The following NLGN1 variants were observed in gnomAD, a reference collection of about 807,000 sequenced individuals.
NLGN1 encodes the protein neuroligin 1.
A neutral mutation model predicts 65.5 loss-of-function variants in NLGN1; 12 were observed. That is an observed-to-expected ratio of 0.18 (90% CI 0.12 to 0.30). NLGN1 has a LOEUF of 0.30. Among genes scored for constraint, NLGN1 ranks in the 10% least tolerant of loss-of-function variants. The pLI, the probability that NLGN1 is intolerant of heterozygous loss-of-function variation, is 1.00. For synonymous variants in NLGN1, 350 were observed against 359.5 expected (o/e 0.97, Z 0.30); for missense variants, 750 against 1,007.1 (o/e 0.74, Z 3.46).
At chr3:174,120,921 A>G (rs538604109) in intron 4 of NLGN1, among the ~76,000 whole-genome samples, 7 of 152,194 alleles carry the variant, frequency 4.6e-5, no homozygotes, top group Non-Finnish European at 8.8e-5. Context: ...GACTCTTGCT[A>G]TAAGGAGGCC....
intron 4 of NLGN1, among the ~76,000 whole-genome samples, chr3:174,207,201 G>GA (rs11336101): frequency 0.027 from 3,728 of 136,618 alleles, 146 homozygotes; most frequent in African/African-American, 0.091. Flanking sequence ...GCTCATTCAT[G>GA]AAAAAAAAAA....
chr3:174,024,302 T>C (rs955135270), intron 4 of NLGN1, among the ~76,000 whole-genome samples: 16 of 152,232 alleles, frequency 1.1e-4, no homozygotes, highest in African/African-American at 3.9e-4. Context: ...AGATGATGAT[T>C]GTCAAGAAAA....
chr3:173,957,071 G>A (rs1712255299), intron 4 of NLGN1, among the ~76,000 whole-genome samples: 1 of 151,896 alleles, frequency 6.6e-6, no homozygotes, highest in South Asian at 2.1e-4. Flanking sequence ...GAATTATGAT[G>A]CATATTATAA....
intron 4 of NLGN1, among the ~76,000 whole-genome samples, chr3:174,189,289 A>C (rs982389630): frequency 1.7e-4 from 26 of 152,118 alleles, no homozygotes; most frequent in African/African-American, 5.8e-4. Context: ...AGATGAGAGA[A>C]ATAAACCCAT....
At chr3:174,274,645 C>A (rs1167947821) in intron 4 of NLGN1, among the ~76,000 whole-genome samples, 1 of 113,886 alleles carries the variant, frequency 8.8e-6, no homozygotes, top group African/African-American at 3.6e-5. Flanking sequence ...TTATTCTACA[C>A]CATTTCCTAA....
intron 4 of NLGN1, among the ~76,000 whole-genome samples, chr3:174,048,200 T>C (rs1734042976): frequency 6.6e-6 from 1 of 152,134 alleles, no homozygotes; most frequent in African/African-American, 2.4e-5. Flanking sequence ...ATTATTTTGA[T>C]GACATCCTTC....
At chr3:174,210,351 T>C (rs1736226005) in intron 4 of NLGN1, among the ~76,000 whole-genome samples, 1 of 152,236 alleles carries the variant, frequency 6.6e-6, no homozygotes, top group African/African-American at 2.4e-5. Context: ...TTCACTGGTG[T>C]AGTTCCAGCA....
chr3:174,132,371 G>A (rs555085310), intron 4 of NLGN1, among the ~76,000 whole-genome samples: 3 of 152,242 alleles, frequency 2.0e-5, no homozygotes, highest in Non-Finnish European at 2.9e-5. Flanking sequence ...TCTCCGAAAG[G>A]TAGGATATTG....
At chr3:174,228,223 A>G (rs1214766644) in intron 4 of NLGN1, among the ~76,000 whole-genome samples, 2 of 152,112 alleles carry the variant, frequency 1.3e-5, no homozygotes, top group Admixed American at 6.6e-5. Flanking sequence ...GCTGTTACAA[A>G]TAAACAACCT....
At chr3:173,927,217 C>G (rs1052374310) in intron 4 of NLGN1, among the ~76,000 whole-genome samples, 1 of 152,112 alleles carries the variant, frequency 6.6e-6, no homozygotes. Flanking sequence ...GTGCATGTCT[C>G]CACGCCTGGC....
chr3:173,574,969 C>T (rs1244083723), intron 2 of NLGN1, among the ~76,000 whole-genome samples: 1 of 152,126 alleles, frequency 6.6e-6, no homozygotes, highest in East Asian at 1.9e-4. Flanking sequence ...ACTACAGCCT[C>T]CAACTCCTGG....
At chr3:173,720,773 A>T (rs77207815) in intron 3 of NLGN1, among the ~76,000 whole-genome samples, 4 of 152,234 alleles carry the variant, frequency 2.6e-5, no homozygotes, top group African/African-American at 7.2e-5. Context: ...TTGGATGCCT[A>T]TGAAGGCATA....
intron 1 of NLGN1, among the ~76,000 whole-genome samples, chr3:173,406,658 A>G (rs1409589375): frequency 6.6e-6 from 1 of 151,774 alleles, no homozygotes; most frequent in African/African-American, 2.4e-5. Context: ...ATTTGTGGAT[A>G]CATCTTGACC....
intron 2 of NLGN1, among the ~76,000 whole-genome samples, chr3:173,471,202 A>G (rs918506360): frequency 5.9e-5 from 9 of 152,064 alleles, no homozygotes; most frequent in Admixed American, 6.6e-5. Context: ...TGATATATCT[A>G]CAGGTAGATT....
intron 3 of NLGN1, among the ~76,000 whole-genome samples, chr3:173,722,476 G>A (rs1037193456): frequency 6.6e-6 from 1 of 151,932 alleles, no homozygotes. Context: ...TCCTCACCTC[G>A]TGATGTGCCC....
rs569995993 is a variant in NLGN1 at position 174,122,027 on chromosome 3, C to T, written c.647-153288C>T. 1.7e-4 allele frequency among the ~76,000 whole-genome samples: 26 copies of T among 152,230 alleles called. 1 individual carries two copies. The highest frequency in any genetic ancestry group is 1.7e-3 in the South Asian group (8 of 4,808). On this transcript the variant is annotated intron_variant, in intron 4 of 6. Coordinates refer to ENST00000457714, the Ensembl canonical transcript of NLGN1. ...ACTTCATATATGTGGAAAATTTTTC[C>T]GTCTTTCCTAAGTAAAGACTTCTCT...
chr3:173,740,108 G>A (rs942110112), intron 3 of NLGN1, among the ~76,000 whole-genome samples: 13 of 152,046 alleles, frequency 8.6e-5, no homozygotes, highest in African/African-American at 2.2e-4. Context: ...AGACTATTAA[G>A]ATTCAAAAAT....
At chr3:174,255,146 G>A (rs1745446566) in intron 4 of NLGN1, among the ~76,000 whole-genome samples, 1 of 152,118 alleles carries the variant, frequency 6.6e-6, no homozygotes, top group South Asian at 2.1e-4. Flanking sequence ...ACGTTTAAGC[G>A]AAACCTTAGA....
At chr3:173,823,628 AGT>A (rs1720757047) in intron 4 of NLGN1, among the ~76,000 whole-genome samples, 1 of 152,088 alleles carries the variant, frequency 6.6e-6, no homozygotes, top group Non-Finnish European at 1.5e-5. Flanking sequence ...AATTAAATAA[AGT>A]AAAAAAATGC....
Sources: gnomAD v4.1 joint callset for allele counts (sites outside exome capture counted in the v4.1 genomes callset) on GRCh38, gnomAD v4.1.1 for gene constraint, MANE v1.5 for transcripts, NCBI Gene and HGNC (gene_info 2026-07-23, HGNC 2026-07-21) for gene names.